Variants in SPINK5 observed in about 807,000 individuals in gnomAD.
SPINK5 encodes the protein serine protease inhibitor Kazal-type 5.
SPINK5 carries 125 observed loss-of-function variants against 151.8 expected under a neutral mutation model. That is an observed-to-expected ratio of 0.82 (90% confidence interval 0.71 to 0.96). The LOEUF is 0.96. Among genes scored for constraint, SPINK5 ranks in the 40% least tolerant of loss-of-function variants. The pLI, the probability that SPINK5 is intolerant of heterozygous loss-of-function variation, is 0.00. For synonymous variants in SPINK5, 374 were observed against 395.3 expected, an observed-to-expected ratio of 0.95 and a Z score of 0.64; for missense variants, 1,194 against 1,291.9, an observed-to-expected ratio of 0.92 and a Z score of 1.16.
chr5:148,099,702 C>T (rs549716853), intron 12 of SPINK5, among the ~76,000 whole-genome samples: 2 of 151,964 alleles, frequency 1.3e-5, no homozygotes, highest in Non-Finnish European at 2.9e-5. Flanking sequence ...TGATTTTTAT[C>T]CCTGAAATAT....
chr5:148,071,533 CTG>C (rs1752737335), intron 3 of SPINK5, among the ~76,000 whole-genome samples: 1 of 151,712 alleles, frequency 6.6e-6, no homozygotes, highest in East Asian at 1.9e-4. Context: ...TAATATGAGA[CTG>C]AAAGTATGAA....
chr5:148,092,313 A>T (rs1753332583), intron 8 of SPINK5, among the ~76,000 whole-genome samples: 2 of 151,962 alleles, frequency 1.3e-5, no homozygotes, highest in Admixed American at 1.3e-4. Context: ...GTTTACATTT[A>T]GGAAAACTAA....
At chr5:148,074,169 C>T (rs760924902) in intron 4 of SPINK5, among the ~76,000 whole-genome samples, 11 of 151,844 alleles carry the variant, frequency 7.2e-5, no homozygotes, top group Non-Finnish European at 1.3e-4. Flanking sequence ...TACTCCCTCT[C>T]AGAATAAGGT....
intron 19 of SPINK5, among the ~76,000 whole-genome samples, chr5:148,112,319 A>AGTC (rs915384686): frequency 4.1e-4 from 62 of 152,324 alleles, no homozygotes; most frequent in African/African-American, 1.5e-3. Flanking sequence ...AAAGAGATAT[A>AGTC]GTCATAAAAG....
chr5:148,064,961 A>G (rs1432872196), intron 1 of SPINK5, among the ~76,000 whole-genome samples: 1 of 152,168 alleles, frequency 6.6e-6, no homozygotes, highest in African/African-American at 2.4e-5. Context: ...AGTTTCAACT[A>G]TAATATAGTT....
Position 148,065,361 on chromosome 5 carries a change from A to C in SPINK5, c.70A>C (p.Asn24His). ...TTTCATCCCAGATGCTGCCAGTAAG[A>C]ATGAAGATCAGGTTAGTCCTGCTTT... The part of the protein sequence containing the change: ...LCLIQDAASK[N>H]EDQEMCHEFQ... The change falls in exon 2 of 33, where the codon AAT (asparagine) becomes CAT (histidine). Residue 24 changes from asparagine (N) to histidine (H), a missense_variant. By Grantham distance (68) the Asn-to-His change is moderately conservative. Transcript: ENST00000256084. The C allele has an allele frequency of 1.2e-6, 2 of 1,613,578 alleles. No individual in the cohort carries two copies. The highest frequency in any genetic ancestry group is 1.7e-6 in the Non-Finnish European group (2 of 1,179,814).
chr5:148,107,395 G>GTT (rs757703536), intron 17 of SPINK5, among the ~76,000 whole-genome samples: 1 of 151,072 alleles, frequency 6.6e-6, no homozygotes, highest in Non-Finnish European at 1.5e-5. Context: ...CAATTTAATG[G>GTT]TTTTTTTTTA....
chr5:148,136,967 C>T lies in SPINK5; in HGVS notation c.3187-16C>T, dbSNP rs376544708. Reference sequence around the variant, plus strand: ...CTCTGGGTTCTAGCATCTAACCTACCCATCTTCTCTTCTAGGACGAATGAC... The same window carrying T: ...CTCTGGGTTCTAGCATCTAACCTACTCATCTTCTCTTCTAGGACGAATGAC... On this transcript the variant is annotated splice_polypyrimidine_tract_variant and intron_variant, in intron 32 of 32. Transcript: ENST00000256084. 277 of 1,613,510 alleles carry T rather than the reference C, an allele frequency of 1.7e-4. No homozygotes were observed. The highest frequency in any genetic ancestry group is 2.1e-4 in the Non-Finnish European group (250 of 1,179,652).
intron 30 of SPINK5, among the ~76,000 whole-genome samples, chr5:148,130,113 C>A (rs1215629370): frequency 2.6e-5 from 4 of 151,944 alleles, no homozygotes; most frequent in Non-Finnish European, 5.9e-5. Flanking sequence ...CTATGCTCAT[C>A]ATTGGCTAGC....
At chr5:148,085,716 T>G (rs751830932) in intron 4 of SPINK5, among the ~76,000 whole-genome samples, 15 of 151,926 alleles carry the variant, frequency 9.9e-5, no homozygotes, top group Middle Eastern at 3.2e-3. Flanking sequence ...GATTTGGGCT[T>G]TCTCCTGCCG....
chr5:148,135,257 C>T (rs1187273267), intron 32 of SPINK5, among the ~76,000 whole-genome samples: 1 of 152,040 alleles, frequency 6.6e-6, no homozygotes, highest in Non-Finnish European at 1.5e-5. Context: ...TATACTGTTC[C>T]CCGTCCTCAC....
At chr5:148,119,342 G>A (rs1265454446) in intron 24 of SPINK5, among the ~76,000 whole-genome samples, 4 of 152,054 alleles carry the variant, frequency 2.6e-5, no homozygotes, top group South Asian at 2.1e-4. Flanking sequence ...ACCTTATTTC[G>A]TAGATAGGGA....
At chr5:148,133,691 TAC>T (rs756895378) in intron 31 of SPINK5, 104 bp from the exon 32 acceptor site, 55 of 1,012,904 alleles carry the variant, frequency 5.4e-5, no homozygotes, top group Non-Finnish European at 7.6e-5. Flanking sequence ...TCCCTCTAAA[TAC>T]AGTTTGGTTT....
intron 19 of SPINK5, 82 bp downstream of exon 19, chr5:148,111,977 T>C (rs1384973287): frequency 1.2e-5 from 20 of 1,603,110 alleles, no homozygotes; most frequent in Non-Finnish European, 1.7e-5. Flanking sequence ...CATTGGAAGT[T>C]TTCTCCAGGA....
intron 9 of SPINK5, 23 bp from the exon 10 acceptor site, chr5:148,095,795 C>A: frequency 6.3e-7 from 1 of 1,577,704 alleles, no homozygotes; most frequent in East Asian, 2.2e-5. Context: ...AGCATCTCTA[C>A]TCATTTATTT....
At chr5:148,069,189 A>G (rs1242538389) in intron 2 of SPINK5, among the ~76,000 whole-genome samples, 1 of 152,010 alleles carries the variant, frequency 6.6e-6, no homozygotes, top group Non-Finnish European at 1.5e-5. Context: ...GAAATGCACC[A>G]TATTTTAAGC....
At chr5:148,076,009 T>C (rs1016813163) in intron 4 of SPINK5, among the ~76,000 whole-genome samples, 13 of 151,824 alleles carry the variant, frequency 8.6e-5, no homozygotes, top group Non-Finnish European at 1.0e-4. Flanking sequence ...TCACACGTAG[T>C]TGAAAGAGCC....
chr5:148,109,561 G>A (rs1581090500), intron 18 of SPINK5, among the ~76,000 whole-genome samples: 1 of 151,110 alleles, frequency 6.6e-6, no homozygotes, highest in South Asian at 2.1e-4. Context: ...ATAATTATAT[G>A]TAGTTAGTAA....
chr5:148,111,852 G>A lies in SPINK5; in HGVS notation c.1777G>A (p.Gly593Arg), dbSNP rs1208347491. Residue 593 changes from glycine to arginine, a missense_variant, in exon 19 of 33, where the codon GGG (glycine) becomes AGG (arginine). Physicochemically the swap from Gly to Arg is moderately radical, Grantham distance 125. Transcript: ENST00000256084. ...RENDPIEGLD[G>R]KIHGNTCSMC... is the part of the protein sequence containing the mutation. ...GAATGATCCTATTGAGGGTCTAGAT[G>A]GGAAAATCCACGGCAACACCTGCTC... is the stretch of plus-strand genomic sequence containing the variant. 6.2e-7 allele frequency: 1 copy of A among 1,614,030 alleles called. No homozygotes were observed. The highest frequency in any genetic ancestry group is 1.7e-5 in the Admixed American group (1 of 59,992).
Sources: allele counts gnomAD v4.1 joint callset (sites outside exome capture counted in the v4.1 genomes callset), GRCh38; gene constraint gnomAD v4.1.1; transcripts MANE v1.5; gene names NCBI Gene and HGNC (gene_info 2026-07-23, HGNC 2026-07-21).